The following ASPHD2 variants were observed in gnomAD, a reference collection of about 807,000 sequenced individuals.
ASPHD2 encodes aspartate beta-hydroxylase domain-containing protein 2.
ASPHD2 carries 12 observed loss-of-function variants against 34.6 expected under a neutral mutation model. The observed-to-expected ratio is 0.35, with a 90% CI of 0.22 to 0.56. The LOEUF is 0.56. ASPHD2 is among the 20% of genes least tolerant of loss of function. The pLI, the probability that ASPHD2 is intolerant of heterozygous loss-of-function variation, is 0.87. For synonymous variants in ASPHD2, 224 were observed against 212.2 expected (o/e 1.06, Z -0.48); for missense variants, 375 against 505.0 (o/e 0.74, Z 2.47).
At chr22:26,432,833 G>C (rs2084765812) in intron 1 of ASPHD2, among the ~76,000 whole-genome samples, 1 of 152,206 alleles carries the variant, frequency 6.6e-6, no homozygotes, top group African/African-American at 2.4e-5. Context: ...CCCAACCTCT[G>C]TCAGAAGGGC....
chr22:26,435,722 AAAG>A lies in ASPHD2; in HGVS notation c.886+1224_886+1226del, dbSNP rs1373706687. On this transcript the variant is annotated intron_variant, in intron 2 of 3. Transcript: ENST00000215906. ...GATATCACTGCACTAAAAGAAAAGAAAAGAAAAGAAAAGAAAAGAAAAGAAAAG... is the reference window on the plus strand; with the variant it reads ...GATATCACTGCACTAAAAGAAAAGAAAAAAGAAAAGAAAAGAAAAGAAAAG... 5.6e-4 allele frequency among the ~76,000 whole-genome samples: 8 copies of A among 14,180 alleles called. No homozygotes were observed. The South Asian group carries it at 7.2e-3, about 13-fold the overall frequency. The allele number at this position is 14,180 out of a possible 152,430, so 9.3% of individuals were successfully genotyped here.
At position 26,443,497 on chromosome 22, in the gene ASPHD2, G is replaced by T; in HGVS notation, c.*291G>T. 1 of 286,946 alleles carries T rather than the reference G, an allele frequency of 3.5e-6. No individual in the cohort carries two copies. Among genetic ancestry groups the T allele is most frequent in the Non-Finnish European group, 6.6e-6 (1 of 151,872 alleles). The allele number at this position is 286,946 out of a possible 1,614,324, so 17.8% of individuals were successfully genotyped here. A position where few individuals can be genotyped will look rare whatever the true frequency, so the allele number is the denominator to read the frequency against. ...CCTTTGATTGGTCCTTGAGTGACCA[G>T]AGACTTAGTGCCCTTGTAAGTCTGT... On this transcript the variant is annotated 3_prime_UTR_variant, in exon 4 of 4. Coordinates refer to ENST00000215906, the MANE Select transcript of ASPHD2 (RefSeq NM_020437.5).
Position 26,439,457 on chromosome 22 carries a change from T to C in ASPHD2, c.887-3002T>C, listed in dbSNP as rs139054829. On this transcript the variant is annotated intron_variant, in intron 2 of 3. Transcript: ENST00000215906. The stretch of plus-strand genomic sequence containing the variant: ...AACTCCACAATCACTTTAATTCCTC[T>C]GTTAATAGTATAACAACTAGCATTT... Among the ~76,000 whole-genome samples, 7 of 152,304 alleles carry C rather than the reference T, an allele frequency of 4.6e-5. No individual in the cohort carries two copies. The East Asian group carries it at 1.2e-3, about 25-fold the overall frequency.
chr22:26,434,163 C>T lies in ASPHD2; in HGVS notation c.548C>T (p.Ala183Val), dbSNP rs2084776541. 1.2e-6 allele frequency: 2 copies of T among 1,612,700 alleles called. No homozygotes were observed. The highest frequency in any genetic ancestry group is 1.7e-6 in the Non-Finnish European group (2 of 1,179,384). Residue 183 changes from alanine (A) to valine (V), a missense_variant, in exon 2 of 4, where the codon GCA (alanine) becomes GTA (valine). Ala to Val is a moderately conservative substitution (Grantham distance 64). Coordinates refer to ENST00000215906, the MANE Select transcript of ASPHD2 (RefSeq NM_020437.5). ...LPTTPYFSRD[A>V]QKHDVEVLER... ...ACCACGCCCTATTTCTCCCGGGACG[C>T]ACAGAAACATGATGTGGAAGTGCTG...
At chr22:26,438,616 TATAC>T (rs1361215353) in intron 2 of ASPHD2, among the ~76,000 whole-genome samples, 8 of 98,496 alleles carry the variant, frequency 8.1e-5, no homozygotes, top group South Asian at 3.7e-4. Context: ...TACATATATA[TATAC>T]ACACATATAT....
At chr22:26,435,584 G>A (rs1442664218) in intron 2 of ASPHD2, among the ~76,000 whole-genome samples, 1 of 152,204 alleles carries the variant, frequency 6.6e-6, no homozygotes, top group Non-Finnish European at 1.5e-5. Flanking sequence ...GAGCCTCAGG[G>A]CTGCCTGGGA....
At chr22:26,431,004 G>A (rs1568980983) in intron 1 of ASPHD2, among the ~76,000 whole-genome samples, 1 of 152,156 alleles carries the variant, frequency 6.6e-6, no homozygotes, top group Non-Finnish European at 1.5e-5. Context: ...TGACTTAAGT[G>A]ATCAGCAGGG....
chr22:26,431,675 A>C (rs76919266), intron 1 of ASPHD2, among the ~76,000 whole-genome samples: 6,668 of 152,294 alleles, frequency 0.044, 484 homozygotes, highest in African/African-American at 0.15. Context: ...ACATGAGGCA[A>C]CAAGAGTGTC....
chr22:26,431,448 A>G (rs2084755838), intron 1 of ASPHD2, among the ~76,000 whole-genome samples: 1 of 152,062 alleles, frequency 6.6e-6, no homozygotes, highest in Admixed American at 6.6e-5. Flanking sequence ...GAAAACAAAA[A>G]ACAACTTAGC....
chr22:26,442,124 A>AAG (rs2084850596), intron 2 of ASPHD2, among the ~76,000 whole-genome samples: 2 of 142,316 alleles, frequency 1.4e-5, no homozygotes, highest in South Asian at 2.3e-4. Flanking sequence ...AAAAAAAAAA[A>AAG]GGGAAAAGAA....
chr22:26,437,046 T>G (rs1383013488), intron 2 of ASPHD2, among the ~76,000 whole-genome samples: 7 of 152,138 alleles, frequency 4.6e-5, no homozygotes, highest in Non-Finnish European at 1.5e-5. Context: ...AGCTCCCTGG[T>G]TGGGTTTTCT....
rs1346239560 is a variant in ASPHD2, at chr22:26,433,729, G to A, written c.114G>A (p.Ser38=). 1.4e-5 allele frequency: 23 copies of A among 1,613,538 alleles called. No individual in the cohort carries two copies. The South Asian group carries it at 2.1e-4, about 15-fold the overall frequency. ...AGTGGCTGGTGGCCTGGAGCTGGTCGCTGGATGGCCTGAGGGACTGCATCG... is the reference window on the plus strand; with the variant it reads ...AGTGGCTGGTGGCCTGGAGCTGGTCACTGGATGGCCTGAGGGACTGCATCG... The part of the protein sequence containing the change: ...SLEWLVAWSW[S]LDGLRDCIAT... Residue 38 remains serine, a synonymous_variant, in exon 2 of 4, where the codon TCG becomes TCA. Coordinates refer to ENST00000215906, the MANE Select transcript of ASPHD2 (RefSeq NM_020437.5). This position sits in a 1 kb window ranked among gnomAD's most constrained non-coding sequence, Gnocchi z 5.1.
intron 1 of ASPHD2, among the ~76,000 whole-genome samples, chr22:26,430,086 AG>A (rs1173797453): frequency 6.6e-6 from 1 of 152,026 alleles, no homozygotes; most frequent in African/African-American, 2.4e-5. Context: ...TGGCCAAGAG[AG>A]GGAAGGTCCC....
rs1601707466 is a variant in ASPHD2, at chr22:26,442,455, C to T, written c.887-4C>T. On this transcript the variant is annotated splice_polypyrimidine_tract_variant and splice_region_variant and intron_variant, in intron 2 of 3. Coordinates refer to ENST00000215906, the MANE Select transcript of ASPHD2 (RefSeq NM_020437.5). Reference sequence around the variant, plus strand: ...CACTCTCCTTTCTCTGGTTTTCCTACAAGGTCTGAAAACTCCAAATGGCTG... The same window carrying T: ...CACTCTCCTTTCTCTGGTTTTCCTATAAGGTCTGAAAACTCCAAATGGCTG... 6.3e-7 allele frequency: 1 copy of T among 1,578,596 alleles called. No individual in the cohort carries two copies. Among genetic ancestry groups the T allele is most frequent in the East Asian group, 2.3e-5 (1 of 44,428 alleles).
chr22:26,437,126 G>A (rs1174853886), intron 2 of ASPHD2, among the ~76,000 whole-genome samples: 1 of 152,206 alleles, frequency 6.6e-6, no homozygotes, highest in Non-Finnish European at 1.5e-5. Context: ...AGGTGTGTCG[G>A]ATTTATGTGA....
intron 2 of ASPHD2, among the ~76,000 whole-genome samples, chr22:26,435,590 TGGGAAGGAGC>T: frequency 6.6e-6 from 1 of 152,294 alleles, no homozygotes; most frequent in East Asian, 1.9e-4. Flanking sequence ...CAGGGCTGCC[TGGGAAGGAGC>T]CGGAGCTGGG....
chr22:26,433,278 T>G lies in ASPHD2; in HGVS notation c.-224-114T>G, dbSNP rs2084768095. 1 of 333,490 alleles carries G rather than the reference T, an allele frequency of 3.0e-6. No homozygotes were observed. The highest frequency in any genetic ancestry group is 3.4e-5 in the South Asian group (1 of 29,554). 20.7% of individuals were successfully genotyped at this position (333,490 alleles called of 1,614,324 possible). ...AGAATGGGGAGGGAATACACAAGAT[T>G]GCAAAGTGTGACCCCCACCAACTAG... On this transcript the variant is annotated intron_variant, in intron 1 of 3. Coordinates refer to ENST00000215906, the MANE Select transcript of ASPHD2 (RefSeq NM_020437.5). The surrounding 1 kb of genome is among the most constrained non-coding windows in gnomAD (Gnocchi z 5.1).
chr22:26,434,116 C>G lies in ASPHD2; in HGVS notation c.501C>G (p.Val167=). The stretch of plus-strand genomic sequence containing the variant: ...GGCCCTCCATCCAGAAGCCCGAGGT[C>G]TTCTTCCTGCCCGACCTGCCCACCA... ...NSRPSIQKPE[V]FFLPDLPTTP... The change falls in exon 2 of 4, where the codon GTC becomes GTG. Residue 167 remains valine (V), a synonymous_variant. Coordinates refer to ENST00000215906, the MANE Select transcript of ASPHD2 (RefSeq NM_020437.5). 1 of 1,612,350 alleles carries G rather than the reference C, an allele frequency of 6.2e-7. No homozygotes were observed.
chr22:26,431,842 C>T, intron 1 of ASPHD2, among the ~76,000 whole-genome samples: 1 of 152,218 alleles, frequency 6.6e-6, no homozygotes, highest in African/African-American at 2.4e-5. Context: ...TAAGTGCTGT[C>T]CATCCGCCAT....
Sources: gnomAD v4.1 joint callset for allele counts (sites outside exome capture counted in the v4.1 genomes callset) on GRCh38, gnomAD v4.1.1 for gene constraint, Gnocchi (gnomAD v3.1) non-coding constraint, MANE v1.5 for transcripts, NCBI Gene and HGNC (gene_info 2026-07-23, HGNC 2026-07-21) for gene names.